The following MYLK variants were observed in gnomAD, a reference collection of about 807,000 sequenced individuals.
The protein encoded by MYLK is myosin light chain kinase, smooth muscle.
Under a neutral mutation model 203.4 loss-of-function variants are expected in MYLK, and 106 were observed. That is an observed-to-expected ratio of 0.52 (90% CI 0.45 to 0.61). The LOEUF is 0.61. Ranked by LOEUF, MYLK falls within the 20% of genes least tolerant of loss-of-function variation. The pLI, the probability that MYLK is intolerant of heterozygous loss-of-function variation, is 0.00. For synonymous variants in MYLK, 867 were observed against 959.5 expected, an observed-to-expected ratio of 0.90 and a Z score of 1.78; for missense variants, 2,072 against 2,442.3, an observed-to-expected ratio of 0.85 and a Z score of 3.20.
chr3:123,671,389 G>T (rs563373503), intron 20 of MYLK, among the ~76,000 whole-genome samples: 1 of 152,212 alleles, frequency 6.6e-6, no homozygotes, highest in Non-Finnish European at 1.5e-5. Context: ...GAGGGGCGGA[G>T]GCCAGGGTTT....
At chr3:123,692,493 G>T (rs1399600372) in intron 19 of MYLK, 2 of 999,532 alleles carry the variant, frequency 2.0e-6, no homozygotes, top group Non-Finnish European at 2.8e-6. Flanking sequence ...AGGACTGGGA[G>T]GGGGACAGGA....
intron 2 of MYLK, among the ~76,000 whole-genome samples, chr3:123,839,117 A>G (rs532792455): frequency 3.3e-5 from 5 of 152,100 alleles, no homozygotes; most frequent in African/African-American, 1.2e-4. Context: ...CAAACAAACA[A>G]ATCTCAATAA....
rs587782967 is a variant in MYLK, at chr3:123,657,335, C to T, written c.4079G>A (p.Gly1360Asp). The change falls in exon 24 of 34, where the codon GGC becomes GAC. Residue 1360 changes from glycine to aspartate, a missense_variant. By Grantham distance (94) the Gly-to-Asp change is moderately conservative. This residue lies in a region of MYLK where 524 missense variants were observed against 782.4 expected (regional missense o/e 0.67). Transcript: ENST00000360304. Reference sequence around the variant, plus strand: ...GATGCTGTAGGACTGTACAGCACTGCCCCCATCATATGAGGAGCCATACCA... The same window carrying T: ...GATGCTGTAGGACTGTACAGCACTGTCCCCATCATATGAGGAGCCATACCA... The part of the protein sequence containing the change: ...LSWYGSSYDG[G>D]SAVQSYSIEI... 11 of 1,614,008 alleles carry T rather than the reference C, an allele frequency of 6.8e-6. No individual in the cohort carries two copies. Among genetic ancestry groups the T allele is most frequent in the Non-Finnish European group, 1.7e-6 (2 of 1,180,022 alleles).
chr3:123,672,268 AG>A (rs2059939537), intron 20 of MYLK, among the ~76,000 whole-genome samples: 1 of 151,708 alleles, frequency 6.6e-6, no homozygotes, highest in Non-Finnish European at 1.5e-5. Context: ...AGGGAGAAGG[AG>A]GGAGGAGAGC....
chr3:123,748,035 T>C (rs929185635), intron 5 of MYLK, among the ~76,000 whole-genome samples: 17 of 151,996 alleles, frequency 1.1e-4, no homozygotes, highest in African/African-American at 3.9e-4. Context: ...GTAATTTACA[T>C]GGAAAAGAGG....
intron 4 of MYLK, among the ~76,000 whole-genome samples, chr3:123,790,588 T>C (rs925506904): frequency 3.9e-5 from 6 of 152,198 alleles, no homozygotes; most frequent in Admixed American, 1.3e-4. Context: ...AGGAGCTTTA[T>C]TGAAGGAAGT....
Position 123,640,445 on chromosome 3 carries a change from C to T in MYLK, c.4679G>A (p.Arg1560His). ...CTGCCGCATGTACTTGATGCACTCACGCTCCGTCAGCTCAAAGTCCTCGTC... is the reference window on the plus strand; with the variant it reads ...CTGCCGCATGTACTTGATGCACTCATGCTCCGTCAGCTCAAAGTCCTCGTC... ...IIDEDFELTE[R>H]ECIKYMRQIS... Residue 1560 changes from arginine to histidine, a missense_variant, in exon 28 of 34, where the codon CGT becomes CAT. Around this residue, in one of 3 missense-constraint regions of MYLK, gnomAD observed 524 missense variants for 782.4 expected, o/e 0.67. Coordinates refer to ENST00000360304, the MANE Select transcript of MYLK (RefSeq NM_053025.4). This position sits in a 1 kb window ranked among gnomAD's most constrained non-coding sequence, Gnocchi z 4.3. 6.2e-7 allele frequency: 1 copy of T among 1,614,092 alleles called. No homozygotes were observed. The highest frequency in any genetic ancestry group is 1.7e-5 in the Admixed American group (1 of 60,018).
Position 123,647,288 on chromosome 3 carries a change from G to T in MYLK, c.4555C>A (p.Pro1519Thr), listed in dbSNP as rs2059054058. 6.2e-7 allele frequency: 1 copy of T among 1,614,228 alleles called. No individual in the cohort carries two copies. The highest frequency in any genetic ancestry group is 2.2e-5 in the East Asian group (1 of 44,894). ...EISIMNCLHH[P>T]KLVQCVDAFE... ...GCATCCACACACTGGACCAGCTTAG[G>T]GTGGTGGAGGCAGTTCATGATGCTA... is the stretch of plus-strand genomic sequence containing the variant. Residue 1519 changes from proline (P) to threonine (T), a missense_variant, in exon 27 of 34, where the codon CCT (proline) becomes ACT (threonine). This residue lies in a region of MYLK where 524 missense variants were observed against 782.4 expected (regional missense o/e 0.67). Transcript: ENST00000360304.
intron 29 of MYLK, among the ~76,000 whole-genome samples, chr3:123,631,852 G>C (rs1351723526): frequency 6.6e-6 from 1 of 151,078 alleles, no homozygotes; most frequent in Non-Finnish European, 1.5e-5. Context: ...TCCCCTCTCT[G>C]GGCCTCAGTT....
Position 123,682,289 on chromosome 3 carries a change from G to T in MYLK, c.3587C>A (p.Thr1196Asn), listed in dbSNP as rs2060294688. The part of the protein sequence containing the change: ...TVDDAPASEN[T>N]KAPEMKSRRP... ...CCGGGATTTCATCTCTGGGGCCTTGGTGTTCTCACTGGCTGGAGCATCTGG... is the reference window on the plus strand; with the variant it reads ...CCGGGATTTCATCTCTGGGGCCTTGTTGTTCTCACTGGCTGGAGCATCTGG... The change falls in exon 20 of 34, where the codon ACC becomes AAC. Residue 1196 changes from threonine to asparagine, a missense_variant. Thr to Asn is a moderately conservative substitution (Grantham distance 65). Around this residue, in one of 3 missense-constraint regions of MYLK, gnomAD observed 865 missense variants for 1,016.0 expected, o/e 0.85. Coordinates refer to ENST00000360304, the MANE Select transcript of MYLK (RefSeq NM_053025.4). The T allele has an allele frequency of 6.2e-7, 1 of 1,603,232 alleles. No homozygotes were observed. The highest frequency in any genetic ancestry group is 8.5e-7 in the Non-Finnish European group (1 of 1,175,034).
chr3:123,703,795 G>A (rs1434465124), intron 16 of MYLK, among the ~76,000 whole-genome samples: 1 of 152,256 alleles, frequency 6.6e-6, no homozygotes, highest in Non-Finnish European at 1.5e-5. Flanking sequence ...AGGAAGATGA[G>A]ATGCCCAAGG....
intron 1 of MYLK, among the ~76,000 whole-genome samples, chr3:123,882,189 G>A (rs1277021286): frequency 6.6e-5 from 10 of 152,200 alleles, no homozygotes; most frequent in African/African-American, 2.4e-4. Flanking sequence ...GGGAGGCAGA[G>A]GTGGGCGATC....
At chr3:123,812,466 T>C (rs1160194133) in intron 3 of MYLK, among the ~76,000 whole-genome samples, 1 of 152,186 alleles carries the variant, frequency 6.6e-6, no homozygotes, top group African/African-American at 2.4e-5. Context: ...GCCAATTCCA[T>C]ATCTAGCCTG....
chr3:123,703,472 C>T (rs771008817), intron 16 of MYLK, among the ~76,000 whole-genome samples: 3 of 152,196 alleles, frequency 2.0e-5, no homozygotes, highest in Non-Finnish European at 4.4e-5. Context: ...AGCCACCCTC[C>T]TCAATGCTCA....
chr3:123,681,000 C>T (rs1391457334), intron 20 of MYLK: 1 of 132,684 alleles, frequency 7.5e-6, no homozygotes, highest in Non-Finnish European at 1.5e-5. Flanking sequence ...CCTTTATAGC[C>T]CCCTCCTCCA....
In MYLK at chr3:123,635,679, A is replaced by G. The variant is rs866595998; in HGVS notation, c.4961+2392T>C. 4.7e-4 allele frequency among the ~76,000 whole-genome samples: 71 copies of G among 152,338 alleles called. 1 individual carries two copies. The highest frequency in any genetic ancestry group is 1.7e-3 in the African/African-American group (71 of 41,578). On this transcript the variant is annotated intron_variant, in intron 29 of 33. Transcript: ENST00000360304. ...AACAAGGTAACATAGTGCCCAAATT[A>G]CTATGTTCCTCCACCGAAAAGAACT...
In MYLK at chr3:123,677,884, AATATATATATATATATAT is replaced by A. The variant is rs3085284; in HGVS notation, c.3652+4322_3652+4339del. On this transcript the variant is annotated intron_variant, in intron 20 of 33. Transcript: ENST00000360304. Reference sequence around the variant, plus strand: ...CTCTATCTAAATGAATAAATAAATGAATATATATATATATATATATATATATATATATATACACACACA... The same window carrying A: ...CTCTATCTAAATGAATAAATAAATGAATATATATATATATATACACACACA... Among the ~76,000 whole-genome samples the A allele has an allele frequency of 7.7e-4, 41 of 53,580 alleles. 2 individuals are homozygous for A. In the East Asian group the frequency reaches 7.9e-3, roughly 10 times the overall value. 35.2% of individuals were successfully genotyped at this position (53,580 alleles called of 152,430 possible).
In MYLK at chr3:123,699,957, C is replaced by T. The variant is rs2061114202; in HGVS notation, c.3448+63G>A. 7 of 1,610,962 alleles carry T rather than the reference C, an allele frequency of 4.3e-6. No homozygotes were observed. The South Asian group carries it at 7.7e-5, about 18-fold the overall frequency. The stretch of plus-strand genomic sequence containing the variant: ...AACAGGGGTCAGCGAGACCAACGCT[C>T]CATGAGCTAGGAGTGGCCCTGGTAC... On this transcript the variant is annotated intron_variant, in intron 18 of 33. Transcript: ENST00000360304.
At chr3:123,645,097 G>A (rs2058969351) in intron 27 of MYLK, among the ~76,000 whole-genome samples, 1 of 151,968 alleles carries the variant, frequency 6.6e-6, no homozygotes, top group African/African-American at 2.4e-5. Flanking sequence ...TACAAAAAAA[G>A]TCAATGTATC....
Sources: allele counts gnomAD v4.1 joint callset (sites outside exome capture counted in the v4.1 genomes callset), GRCh38; gene constraint gnomAD v4.1.1; regional missense constraint gnomAD v4.1.1; non-coding constraint Gnocchi (gnomAD v3.1); transcripts MANE v1.5; gene names NCBI Gene and HGNC (gene_info 2026-07-23, HGNC 2026-07-21).